DERA: variants seen among roughly 807,000 people sequenced by gnomAD.
The protein encoded by DERA is deoxyribose-phosphate aldolase, also known as 2-deoxy-D-ribose 5-phosphate aldolase.
A neutral mutation model predicts 41.1 loss-of-function variants in DERA; 15 were observed. That is an observed-to-expected ratio of 0.37 (90% CI 0.24 to 0.56). The LOEUF (loss-of-function observed/expected upper bound fraction) is 0.56. DERA is among the 20% of genes least tolerant of loss of function. The probability of loss-of-function intolerance (pLI) is 0.81; values close to 1 mark genes in which losing one functional copy is unlikely to be tolerated. For missense variants in DERA, 396 were observed against 403.4 expected, an observed-to-expected ratio of 0.98 and a Z score of 0.16; for synonymous variants, 139 against 137.4, an observed-to-expected ratio of 1.01 and a Z score of -0.08.
chr12:16,005,374 A>G (rs942970591), intron 6 of DERA, among the ~76,000 whole-genome samples: 1 of 152,202 alleles, frequency 6.6e-6, no homozygotes, highest in African/African-American at 2.4e-5. Context: ...TGAGTCCAGG[A>G]CAGGAGTTCG....
chr12:15,937,132 T>C (rs529721684), intron 1 of DERA, among the ~76,000 whole-genome samples: 2 of 152,228 alleles, frequency 1.3e-5, no homozygotes, highest in Admixed American at 1.3e-4. Context: ...ATTTTTAATT[T>C]TTTTGTAGAG....
In DERA at chr12:15,957,669, G is replaced by A. The variant is rs1948550598; in HGVS notation, c.130-519G>A. ...GCTCATCCTTAGAAATATTCTGGTT[G>A]AAAAGGTAAAATAAAATTCATCAGA... is the stretch of plus-strand genomic sequence containing the variant. On this transcript the variant is annotated intron_variant, in intron 2 of 8. Transcript: ENST00000428559. The surrounding 1 kb of genome is among the most constrained non-coding windows in gnomAD (Gnocchi z 4.8). 1.3e-5 allele frequency among the ~76,000 whole-genome samples: 2 copies of A among 152,142 alleles called. No homozygotes were observed. Among genetic ancestry groups the A allele is most frequent in the African/African-American group, 4.8e-5 (2 of 41,432 alleles).
rs985094378 is a variant in DERA, at chr12:15,931,753, G to T, written c.31+20339G>T. ...GGTGGATTTATGTGAACAGATTTAT[G>T]CTCTCTCTGGGGAGGGAGTGGGTGA... On this transcript the variant is annotated intron_variant, in intron 1 of 8. Coordinates refer to ENST00000428559, the MANE Select transcript of DERA (RefSeq NM_015954.4). This position sits in a 1 kb window ranked among gnomAD's most constrained non-coding sequence, Gnocchi z 4.6. 1.3e-5 allele frequency among the ~76,000 whole-genome samples: 2 copies of T among 152,214 alleles called. No homozygotes were observed. Among genetic ancestry groups the T allele is most frequent in the Middle Eastern group, 3.4e-3 (1 of 294 alleles).
At chr12:15,956,056 G>A (rs1273254731) in intron 1 of DERA, among the ~76,000 whole-genome samples, 2 of 152,216 alleles carry the variant, frequency 1.3e-5, no homozygotes, top group African/African-American at 4.8e-5. Flanking sequence ...ACCAAACACT[G>A]TTGGATGTTA....
At chr12:15,914,729 G>T (rs1303580801) in intron 1 of DERA, among the ~76,000 whole-genome samples, 1 of 152,126 alleles carries the variant, frequency 6.6e-6, no homozygotes, top group Non-Finnish European at 1.5e-5. Context: ...AAACTCTTCT[G>T]TTCAAAAAGC....
chr12:15,944,059 C>T (rs1035452327), intron 1 of DERA, among the ~76,000 whole-genome samples: 5 of 152,014 alleles, frequency 3.3e-5, no homozygotes, highest in African/African-American at 1.2e-4. Flanking sequence ...GACATGAACT[C>T]ATCCTTCTTT....
chr12:16,023,772 C>G (rs985198272), intron 6 of DERA, among the ~76,000 whole-genome samples: 1 of 152,088 alleles, frequency 6.6e-6, no homozygotes, highest in African/African-American at 2.4e-5. Flanking sequence ...CCACCGCGCC[C>G]GGCCTCAAAC....
chr12:15,956,703 T>G, intron 1 of DERA: 1 of 573,462 alleles, frequency 1.7e-6, no homozygotes, highest in Non-Finnish European at 3.3e-6. Context: ...ACAGAAGCAA[T>G]TGTGGTTTTT....
At chr12:15,916,968 G>T (rs927033612) in intron 1 of DERA, among the ~76,000 whole-genome samples, 8 of 152,040 alleles carry the variant, frequency 5.3e-5, no homozygotes, top group African/African-American at 1.9e-4. Flanking sequence ...TGATAATTTT[G>T]TTAATTTAGA....
chr12:16,029,382 G>C (rs994421372), intron 6 of DERA, among the ~76,000 whole-genome samples: 2 of 152,062 alleles, frequency 1.3e-5, no homozygotes, highest in South Asian at 2.1e-4. Flanking sequence ...AGCCGAGATC[G>C]CGCCACTGCA....
Position 15,981,872 on chromosome 12 carries a change from A to T in DERA, c.509-436A>T, listed in dbSNP as rs76068783. On this transcript the variant is annotated intron_variant, in intron 5 of 8. Coordinates refer to ENST00000428559, the MANE Select transcript of DERA (RefSeq NM_015954.4). This position sits in a 1 kb window ranked among gnomAD's most constrained non-coding sequence, Gnocchi z 6.1. ...AACTCTCAAGAAAGGTGTGCTTTAT[A>T]TCCAACCAAAGAACCTATTACTTGT... Among the ~76,000 whole-genome samples, 1 of 152,360 alleles carries T rather than the reference A, an allele frequency of 6.6e-6. No homozygotes were observed. Among genetic ancestry groups the T allele is most frequent in the East Asian group, 1.9e-4 (1 of 5,184 alleles).
intron 7 of DERA, among the ~76,000 whole-genome samples, chr12:16,033,827 T>C (rs1419515244): frequency 6.6e-6 from 1 of 151,810 alleles, no homozygotes; most frequent in African/African-American, 2.4e-5. Context: ...CCTTCCAGAA[T>C]TTTCTCACTT....
chr12:15,913,380 G>A lies in DERA; in HGVS notation c.31+1966G>A, dbSNP rs1318183668. Among the ~76,000 whole-genome samples the A allele has an allele frequency of 1.3e-5, 2 of 152,048 alleles. No individual in the cohort carries two copies. Among genetic ancestry groups the A allele is most frequent in the African/African-American group, 4.8e-5 (2 of 41,384 alleles). On this transcript the variant is annotated intron_variant, in intron 1 of 8. Coordinates refer to ENST00000428559, the MANE Select transcript of DERA (RefSeq NM_015954.4). This position sits in a 1 kb window ranked among gnomAD's most constrained non-coding sequence, Gnocchi z 4.5. Reference sequence around the variant, plus strand: ...GGTTTAAACTGAAATGCTAAAATAAGTTATTTGAATTAGGTACTAGGGAAA... The same window carrying A: ...GGTTTAAACTGAAATGCTAAAATAAATTATTTGAATTAGGTACTAGGGAAA...
Position 16,036,388 on chromosome 12 carries a change from A to G in DERA, c.900+7A>G, listed in dbSNP as rs541542664. The G allele has an allele frequency of 1.3e-6, 2 of 1,586,114 alleles. No homozygotes were observed. Among genetic ancestry groups the G allele is most frequent in the South Asian group, 1.2e-5 (1 of 86,330 alleles). On this transcript the variant is annotated splice_region_variant and intron_variant, in intron 8 of 8. Transcript: ENST00000428559. The surrounding 1 kb of genome is among the most constrained non-coding windows in gnomAD (Gnocchi z 4.9). ...CTCGGACATTGAGAGGCAGGTGAGT[A>G]ATCATCTCTGTCTTTGGAATAAATT...
rs186299381 is a variant in DERA at position 16,001,679 on chromosome 12, C to T, written c.637+19243C>T. 6.6e-6 allele frequency among the ~76,000 whole-genome samples: 1 copy of T among 152,270 alleles called. No homozygotes were observed. The highest frequency in any genetic ancestry group is 2.4e-5 in the African/African-American group (1 of 41,558). On this transcript the variant is annotated intron_variant, in intron 6 of 8. Transcript: ENST00000428559. The surrounding 1 kb of genome is among the most constrained non-coding windows in gnomAD (Gnocchi z 4.1). ...TAGTAGAGTAGTTGGAATAAAATTA[C>T]AACTGAGGAAGGACAAGAATAAATG...
intron 5 of DERA, among the ~76,000 whole-genome samples, chr12:15,975,220 A>AACTT (rs1331732722): frequency 3.9e-5 from 6 of 152,190 alleles, no homozygotes; most frequent in Non-Finnish European, 7.3e-5. Context: ...TTTTAAGGAC[A>AACTT]ACTTGGTGGG....
At position 16,010,605 on chromosome 12, in the gene DERA, T is replaced by G. The variant is rs1417939925; in HGVS notation, c.638-21937T>G. Among the ~76,000 whole-genome samples, 1 of 152,044 alleles carries G rather than the reference T, an allele frequency of 6.6e-6. No individual in the cohort carries two copies. The highest frequency in any genetic ancestry group is 1.5e-5 in the Non-Finnish European group (1 of 68,006). On this transcript the variant is annotated intron_variant, in intron 6 of 8. Coordinates refer to ENST00000428559, the MANE Select transcript of DERA (RefSeq NM_015954.4). This position sits in a 1 kb window ranked among gnomAD's most constrained non-coding sequence, Gnocchi z 5.5. Reference sequence around the variant, plus strand: ...GAAAAATAGAGACAGAATTTTAATGTGAAAATTGTTTATGAACAGAAGGAG... The same window carrying G: ...GAAAAATAGAGACAGAATTTTAATGGGAAAATTGTTTATGAACAGAAGGAG...
chr12:15,990,472 C>A lies in DERA; in HGVS notation c.637+8036C>A, dbSNP rs1311139453. On this transcript the variant is annotated intron_variant, in intron 6 of 8. Coordinates refer to ENST00000428559, the MANE Select transcript of DERA (RefSeq NM_015954.4). This position sits in a 1 kb window ranked among gnomAD's most constrained non-coding sequence, Gnocchi z 4.3. ...TAGTTTTATTTTTAACTTTTAAGTT[C>A]AGGGGTACAAGTACAGGTTTGTTAC... Among the ~76,000 whole-genome samples the A allele has an allele frequency of 6.6e-6, 1 of 151,974 alleles. No homozygotes were observed. Among genetic ancestry groups the A allele is most frequent in the Non-Finnish European group, 1.5e-5 (1 of 67,960 alleles).
Position 15,996,449 on chromosome 12 carries a change from G to GC in DERA, c.637+14014dup, listed in dbSNP as rs1374401492. On this transcript the variant is annotated intron_variant, in intron 6 of 8. Transcript: ENST00000428559. The surrounding 1 kb of genome is among the most constrained non-coding windows in gnomAD (Gnocchi z 4.7). ...CTGGCTTCTGGTGTTTGCCAGCAAT[G>GC]CTTGACATACCTTGGCTTCACTCCA... 5.9e-5 allele frequency among the ~76,000 whole-genome samples: 9 copies of GC among 152,096 alleles called. No homozygotes were observed. Among genetic ancestry groups the GC allele is most frequent in the Non-Finnish European group, 1.3e-4 (9 of 68,022 alleles).
Sources: gnomAD v4.1 joint callset for allele counts (sites outside exome capture counted in the v4.1 genomes callset) on GRCh38, gnomAD v4.1.1 for gene constraint, Gnocchi (gnomAD v3.1) non-coding constraint, MANE v1.5 for transcripts, NCBI Gene and HGNC (gene_info 2026-07-23, HGNC 2026-07-21) for gene names.